Variants in MICAL2 observed in about 807,000 individuals in gnomAD.
The protein encoded by MICAL2 is [F-actin]-monooxygenase MICAL2.
In MICAL2, 77 loss-of-function variants were observed where a neutral mutation model predicts 127.3. That is an observed-to-expected ratio of 0.60 (90% confidence interval 0.50 to 0.73). The LOEUF is 0.73. MICAL2 is among the 30% of genes least tolerant of loss of function. The pLI is 0.00. For synonymous variants in MICAL2, 570 were observed against 551.1 expected, an observed-to-expected ratio of 1.03 and a Z score of -0.48; for missense variants, 1,351 against 1,434.4, an observed-to-expected ratio of 0.94 and a Z score of 0.94.
intron 16 of MICAL2, among the ~76,000 whole-genome samples, chr11:12,236,874 C>G (rs1005275696): frequency 1.3e-5 from 2 of 152,212 alleles, no homozygotes; most frequent in African/African-American, 4.8e-5. Flanking sequence ...ATTCCAACTC[C>G]ACAAGCATGC....
At chr11:12,234,465 T>G (rs546930730) in intron 15 of MICAL2, among the ~76,000 whole-genome samples, 2 of 152,270 alleles carry the variant, frequency 1.3e-5, no homozygotes, top group East Asian at 3.9e-4. Flanking sequence ...GACCCAACAT[T>G]GTTGCAAATA....
intron 8 of MICAL2, among the ~76,000 whole-genome samples, chr11:12,218,742 T>TG (rs1401066917): frequency 6.6e-6 from 1 of 152,136 alleles, no homozygotes; most frequent in Non-Finnish European, 1.5e-5. Flanking sequence ...TTGGTTTGAA[T>TG]GGGGGAAATA....
At chr11:12,118,221 C>T (rs576716498) in intron 1 of MICAL2, among the ~76,000 whole-genome samples, 3 of 152,330 alleles carry the variant, frequency 2.0e-5, no homozygotes, top group Non-Finnish European at 4.4e-5. Context: ...TCATCCCACA[C>T]ATACATAGAT....
intron 32 of MICAL2, among the ~76,000 whole-genome samples, chr11:12,336,882 A>G (rs1301294435): frequency 1.3e-5 from 2 of 151,962 alleles, no homozygotes; most frequent in Non-Finnish European, 2.9e-5. Context: ...TTTTTGCATC[A>G]GTGTTCATCA....
intron 1 of MICAL2, among the ~76,000 whole-genome samples, chr11:12,129,166 C>T (rs1851197118): frequency 6.6e-6 from 1 of 152,104 alleles, no homozygotes; most frequent in Admixed American, 6.5e-5. Flanking sequence ...AAGACTTGTG[C>T]CTTGTCCTAG....
rs748738037 is a variant in MICAL2 at position 12,162,260 on chromosome 11, C to T, written c.105C>T (p.Leu35=). The change falls in exon 3 of 28, where the codon CTC becomes CTT. Residue 35 remains leucine (L), a synonymous_variant. Transcript: ENST00000683283. The part of the protein sequence containing the change: ...CKGTLQAFNI[L]TRHLDLDPLD... ...GTACCCTCCAGGCCTTCAACATTCT[C>T]ACACGACACCTGGACCTAGACCCTC... 1 of 1,614,238 alleles carries T rather than the reference C, an allele frequency of 6.2e-7. No individual in the cohort carries two copies. Among genetic ancestry groups the T allele is most frequent in the Non-Finnish European group, 8.5e-7 (1 of 1,180,056 alleles).
intron 4 of MICAL2, among the ~76,000 whole-genome samples, chr11:12,206,797 T>C (rs1311960338): frequency 6.6e-6 from 1 of 152,106 alleles, no homozygotes; most frequent in African/African-American, 2.4e-5. Flanking sequence ...TCCTCGTGTC[T>C]CATGCCAGAT....
chr11:12,353,051 T>C (rs567070880), intron 33 of MICAL2, among the ~76,000 whole-genome samples: 1 of 152,320 alleles, frequency 6.6e-6, no homozygotes, highest in South Asian at 2.1e-4. Context: ...TCCATCTCCA[T>C]TGGCTACCAC....
intron 4 of MICAL2, among the ~76,000 whole-genome samples, chr11:12,205,793 A>G (rs1326925121): frequency 6.6e-6 from 1 of 152,200 alleles, no homozygotes; most frequent in Non-Finnish European, 1.5e-5. Context: ...GCCCAGGAAA[A>G]CACATTGCAT....
chr11:12,208,636 G>GT (rs1393868341), intron 5 of MICAL2, among the ~76,000 whole-genome samples: 7 of 152,202 alleles, frequency 4.6e-5, no homozygotes, highest in African/African-American at 1.7e-4. Flanking sequence ...TATAAACTAT[G>GT]ATATTTGCCC....
intron 21 of MICAL2, among the ~76,000 whole-genome samples, chr11:12,244,885 A>G (rs1478718307): frequency 1.3e-5 from 2 of 152,220 alleles, no homozygotes; most frequent in Admixed American, 6.5e-5. Flanking sequence ...CCTCTGGGTT[A>G]TAGGAAGCCA....
At chr11:12,308,896 T>A (rs549001919) in intron 29 of MICAL2, among the ~76,000 whole-genome samples, 1 of 152,344 alleles carries the variant, frequency 6.6e-6, no homozygotes, top group Admixed American at 6.5e-5. Flanking sequence ...CAACAAAATT[T>A]CCTTCCATTC....
At chr11:12,201,866 C>T (rs1470536030) in intron 3 of MICAL2, among the ~76,000 whole-genome samples, 4 of 152,244 alleles carry the variant, frequency 2.6e-5, no homozygotes, top group African/African-American at 4.8e-5. Flanking sequence ...CGCCTGCAAT[C>T]CCAGCACTCT....
intron 25 of MICAL2, 132 bp from the exon 26 acceptor site, chr11:12,259,663 C>T (rs773229411): frequency 4.8e-5 from 38 of 784,512 alleles, no homozygotes; most frequent in South Asian, 1.3e-4. Flanking sequence ...CAGCATGAGT[C>T]GGGGGGCTGA....
At chr11:12,327,320 G>C (rs1864365529) in intron 32 of MICAL2, 84 of 1,444,620 alleles carry the variant, frequency 5.8e-5, no homozygotes, top group Non-Finnish European at 7.8e-5. Flanking sequence ...AATAGTGCTA[G>C]CGTAACCATC....
At chr11:12,248,920 G>A (rs982256050) in intron 21 of MICAL2, among the ~76,000 whole-genome samples, 2 of 152,170 alleles carry the variant, frequency 1.3e-5, no homozygotes, top group Non-Finnish European at 2.9e-5. Context: ...AAGGATATGA[G>A]TTTCAAATCA....
intron 7 of MICAL2, among the ~76,000 whole-genome samples, chr11:12,215,510 A>G (rs928037789): frequency 3.3e-5 from 5 of 152,196 alleles, no homozygotes; most frequent in Non-Finnish European, 7.3e-5. Context: ...AGGGTTTCTG[A>G]TTCAGTGAGT....
rs1555022632 is a variant in MICAL2, at chr11:12,330,822, G to GAGAGA, written c.5515+3556_5515+3557insAGAGA. Among the ~76,000 whole-genome samples, 352 of 129,428 alleles carry GAGAGA rather than the reference G, an allele frequency of 2.7e-3. 12 individuals are homozygous for GAGAGA. The highest frequency in any genetic ancestry group is 2.7e-3 in the Non-Finnish European group (161 of 60,474). The allele number at this position is 129,428 out of a possible 152,430, so 84.9% of individuals were successfully genotyped here. On this transcript the variant is annotated intron_variant, in intron 32 of 34. Coordinates refer to the MICAL2 transcript ENST00000646065. Reference sequence around the variant, plus strand: ...GAGAGAGACAGAGAGAGAGAGAGAGGGAGAGACAGACAGAGAGAGAGAGAG... The same window carrying GAGAGA: ...GAGAGAGACAGAGAGAGAGAGAGAGGAGAGAGAGAGACAGACAGAGAGAGAGAGAG...
intron 3 of MICAL2, among the ~76,000 whole-genome samples, chr11:12,184,181 C>A (rs964595288): frequency 3.9e-5 from 6 of 152,174 alleles, no homozygotes; most frequent in African/African-American, 1.4e-4. Context: ...ATTGTGAGGC[C>A]TGGATAAAAT....
Sources: gnomAD v4.1 joint callset for allele counts (sites outside exome capture counted in the v4.1 genomes callset) on GRCh38, gnomAD v4.1.1 for gene constraint, MANE v1.5 for transcripts, NCBI Gene and HGNC (gene_info 2026-07-23, HGNC 2026-07-21) for gene names.